ZNF804A: variants seen among roughly 807,000 people sequenced by gnomAD.
ZNF804A encodes the protein zinc finger protein 804A.
Under a neutral mutation model 16.5 loss-of-function variants are expected in ZNF804A, and 2 were observed. That is an observed-to-expected ratio of 0.12 (90% CI 0.05 to 0.38). The LOEUF (loss-of-function observed/expected upper bound fraction) is 0.38. Among genes scored for constraint, ZNF804A ranks in the 10% least tolerant of loss-of-function variants. The pLI is 0.99. For synonymous variants in ZNF804A, 534 were observed against 489.6 expected (o/e 1.09, Z -1.20); for missense variants, 1,473 against 1,390.7 (o/e 1.06, Z -0.94).
chr2:184,727,793 A>G (rs1693437655), intron 1 of ZNF804A, among the ~76,000 whole-genome samples: 1 of 151,728 alleles, frequency 6.6e-6, no homozygotes, highest in Non-Finnish European at 1.5e-5. Context: ...CAAATACAGT[A>G]TAAGAAGTGA....
At chr2:184,722,049 A>G (rs1024638686) in intron 1 of ZNF804A, among the ~76,000 whole-genome samples, 6 of 152,008 alleles carry the variant, frequency 3.9e-5, no homozygotes, top group Non-Finnish European at 8.8e-5. Flanking sequence ...TCATCGAGGT[A>G]GAGAGTGGAA....
At chr2:184,870,751 G>A (rs2105813227) in intron 2 of ZNF804A, among the ~76,000 whole-genome samples, 2 of 152,016 alleles carry the variant, frequency 1.3e-5, no homozygotes, top group East Asian at 3.9e-4. Flanking sequence ...AAAACAAAAT[G>A]ATCTATTTAT....
intron 1 of ZNF804A, among the ~76,000 whole-genome samples, chr2:184,817,152 G>A (rs1015643433): frequency 6.6e-6 from 1 of 151,860 alleles, no homozygotes; most frequent in Non-Finnish European, 1.5e-5. Flanking sequence ...GATGAATAGA[G>A]AGATAATCAG....
At chr2:184,919,027 G>A (rs956409713) in intron 2 of ZNF804A, among the ~76,000 whole-genome samples, 3 of 152,114 alleles carry the variant, frequency 2.0e-5, no homozygotes, top group Non-Finnish European at 4.4e-5. Context: ...TAGAAAACAT[G>A]GTAAGAGAAG....
intron 1 of ZNF804A, among the ~76,000 whole-genome samples, chr2:184,764,968 A>T (rs1016195601): frequency 1.3e-5 from 2 of 152,158 alleles, no homozygotes; most frequent in Admixed American, 6.5e-5. Flanking sequence ...AAAAAAAACT[A>T]TTTTTTTAAA....
intron 1 of ZNF804A, among the ~76,000 whole-genome samples, chr2:184,664,499 G>A (rs1401674638): frequency 6.6e-6 from 1 of 152,060 alleles, no homozygotes; most frequent in African/African-American, 2.4e-5. Flanking sequence ...TAAACTATTT[G>A]TAAGTTTGAT....
chr2:184,925,415 G>A (rs919477106), intron 2 of ZNF804A, among the ~76,000 whole-genome samples: 3 of 151,706 alleles, frequency 2.0e-5, no homozygotes. Context: ...TTTTCACTCT[G>A]TGTGTGTTTT....
chr2:184,735,760 A>C (rs1465255087), intron 1 of ZNF804A, among the ~76,000 whole-genome samples: 2 of 152,178 alleles, frequency 1.3e-5, no homozygotes, highest in African/African-American at 4.8e-5. Flanking sequence ...TGTTCATATC[A>C]GTGCTGATTC....
At chr2:184,917,053 A>T (rs1302158164) in intron 2 of ZNF804A, among the ~76,000 whole-genome samples, 1 of 152,168 alleles carries the variant, frequency 6.6e-6, no homozygotes, top group Non-Finnish European at 1.5e-5. Context: ...TGATTTAAAT[A>T]TCGATATTAT....
chr2:184,730,127 T>C (rs1387274570), intron 1 of ZNF804A, among the ~76,000 whole-genome samples: 2 of 152,174 alleles, frequency 1.3e-5, no homozygotes, highest in Non-Finnish European at 2.9e-5. Context: ...GGGATTTTTT[T>C]CTTATTCTTT....
chr2:184,931,715 T>C (rs1299020444), intron 2 of ZNF804A, among the ~76,000 whole-genome samples: 1 of 152,220 alleles, frequency 6.6e-6, no homozygotes, highest in African/African-American at 2.4e-5. Flanking sequence ...TTGTTACTTA[T>C]GCAAATTTCC....
At chr2:184,631,950 A>G (rs1691617548) in intron 1 of ZNF804A, among the ~76,000 whole-genome samples, 1 of 152,218 alleles carries the variant, frequency 6.6e-6, no homozygotes, top group Non-Finnish European at 1.5e-5. Context: ...AAAAGGGAGC[A>G]AAGTGTATAA....
At chr2:184,671,925 G>A (rs1692344418) in intron 1 of ZNF804A, among the ~76,000 whole-genome samples, 1 of 152,192 alleles carries the variant, frequency 6.6e-6, no homozygotes, top group South Asian at 2.1e-4. Flanking sequence ...TAAGTGCTTT[G>A]AGCAGGGGTA....
chr2:184,632,959 T>C (rs1028649858), intron 1 of ZNF804A, among the ~76,000 whole-genome samples: 1 of 152,216 alleles, frequency 6.6e-6, no homozygotes, highest in African/African-American at 2.4e-5. Flanking sequence ...GTAGTTTTGA[T>C]GTGTGATTCT....
At chr2:184,776,058 G>A (rs946816941) in intron 1 of ZNF804A, among the ~76,000 whole-genome samples, 5 of 151,438 alleles carry the variant, frequency 3.3e-5, no homozygotes, top group African/African-American at 1.2e-4. Context: ...TTTGTACCAG[G>A]CACCATTTAA....
chr2:184,902,609 C>A (rs1685204464), intron 2 of ZNF804A: 1 of 152,124 alleles, frequency 6.6e-6, no homozygotes, highest in Non-Finnish European at 1.5e-5. Context: ...TGCTGTGTCT[C>A]AGATGCATTT....
chr2:184,783,752 T>C lies in ZNF804A; in HGVS notation c.112-82617T>C, dbSNP rs188293301. ...CCCTTTCCATAGCACATCTAAGCTC[T>C]GGAAGTCGTTGTTATCTCACTGATT... On this transcript the variant is annotated intron_variant, in intron 1 of 3. Transcript: ENST00000302277. Among the ~76,000 whole-genome samples, 326 of 152,090 alleles carry C rather than the reference T, an allele frequency of 2.1e-3. 1 individual carries two copies. The highest frequency in any genetic ancestry group is 3.7e-3 in the Non-Finnish European group (254 of 67,940).
At chr2:184,751,111 G>C (rs766512231) in intron 1 of ZNF804A, among the ~76,000 whole-genome samples, 46 of 151,606 alleles carry the variant, frequency 3.0e-4, no homozygotes, top group Non-Finnish European at 5.5e-4. Context: ...CATCTTAAAT[G>C]CTGTGAATAA....
rs1410076415 is a variant in ZNF804A, at chr2:184,933,501, G to A, written c.256-102G>A. 3.6e-6 allele frequency: 4 copies of A among 1,121,020 alleles called. No individual in the cohort carries two copies. The East Asian group carries it at 8.1e-5, about 23-fold the overall frequency. 69.4% of individuals were successfully genotyped at this position (1,121,020 alleles called of 1,614,324 possible). ...GAATGTTGTGTTTACCTCTCGACAA[G>A]GTCAAAGATGATGCATTGGAAAATT... On this transcript the variant is annotated intron_variant, in intron 2 of 3. Coordinates refer to ENST00000302277, the MANE Select transcript of ZNF804A (RefSeq NM_194250.2).
Sources: gnomAD v4.1 joint callset for allele counts (sites outside exome capture counted in the v4.1 genomes callset) on GRCh38, gnomAD v4.1.1 for gene constraint, MANE v1.5 for transcripts, NCBI Gene and HGNC (gene_info 2026-07-23, HGNC 2026-07-21) for gene names.